The following IMPG2 variants were observed in gnomAD, a reference collection of about 807,000 sequenced individuals.
IMPG2 encodes the protein interphotoreceptor matrix proteoglycan 2.
In IMPG2, 91 loss-of-function variants were observed where a neutral mutation model predicts 129.2. The observed-to-expected ratio is 0.70, with a 90% CI of 0.59 to 0.84. The LOEUF is 0.84. Among genes scored for constraint, IMPG2 ranks in the 40% least tolerant of loss-of-function variants. IMPG2 has a pLI of 0.00. For synonymous variants in IMPG2, 510 were observed against 517.7 expected, an observed-to-expected ratio of 0.99 and a Z score of 0.20; for missense variants, 1,430 against 1,461.7, an observed-to-expected ratio of 0.98 and a Z score of 0.35.
chr3:101,276,717 GAA>G lies in IMPG2; in HGVS notation c.534-6_534-5del. On this transcript the variant is annotated splice_region_variant and splice_polypyrimidine_tract_variant and intron_variant, in intron 4 of 18. Transcript: ENST00000193391. ...AACTGGAGAAGACAGTTCAGAGCTA[GAA>G]AAAAAAATGTTTGCAGTTAATAAAA... The G allele has an allele frequency of 1.3e-6, 2 of 1,590,010 alleles. No individual in the cohort carries two copies. Among genetic ancestry groups the G allele is most frequent in the Non-Finnish European group, 1.7e-6 (2 of 1,161,708 alleles).
chr3:101,312,776 T>C (rs532126102), intron 2 of IMPG2, among the ~76,000 whole-genome samples: 32 of 152,232 alleles, frequency 2.1e-4, no homozygotes, highest in Admixed American at 1.0e-3. Flanking sequence ...TACTGATACA[T>C]GTACAACATG....
At chr3:101,308,018 A>G (rs564168449) in intron 2 of IMPG2, among the ~76,000 whole-genome samples, 28 of 152,316 alleles carry the variant, frequency 1.8e-4, no homozygotes, top group African/African-American at 5.5e-4. Flanking sequence ...TAAAGCTCCA[A>G]AATGATCTCT....
At chr3:101,259,199 A>G (rs767873728) in intron 9 of IMPG2, among the ~76,000 whole-genome samples, 33 of 152,128 alleles carry the variant, frequency 2.2e-4, no homozygotes, top group Non-Finnish European at 2.5e-4. Flanking sequence ...CAGGACATCC[A>G]TCATAGGCAG....
chr3:101,265,631 T>C (rs1029699093), intron 9 of IMPG2, among the ~76,000 whole-genome samples: 2 of 152,118 alleles, frequency 1.3e-5, no homozygotes, highest in Admixed American at 6.6e-5. Context: ...CTTCAGGACA[T>C]TGGTCTTGAA....
At chr3:101,246,328 C>A (rs538859453) in intron 11 of IMPG2, among the ~76,000 whole-genome samples, 2 of 152,180 alleles carry the variant, frequency 1.3e-5, no homozygotes, top group East Asian at 1.9e-4. Context: ...ACCTGAAAAC[C>A]AAGGACAGAT....
chr3:101,265,990 C>A (rs936220605), intron 9 of IMPG2, among the ~76,000 whole-genome samples: 1 of 151,994 alleles, frequency 6.6e-6, no homozygotes. Context: ...CAAATCAAAA[C>A]CAAAATGAAG....
chr3:101,296,972 G>A (rs1333376142), intron 3 of IMPG2, among the ~76,000 whole-genome samples: 6 of 152,050 alleles, frequency 3.9e-5, no homozygotes, highest in East Asian at 3.9e-4. Context: ...GCGTGATCTC[G>A]GCTCACTGCA....
chr3:101,247,340 G>A (rs1706491098), intron 11 of IMPG2, among the ~76,000 whole-genome samples: 1 of 152,044 alleles, frequency 6.6e-6, no homozygotes, highest in Non-Finnish European at 1.5e-5. Flanking sequence ...GCTCACGCCT[G>A]TAATCCCAGC....
intron 7 of IMPG2, among the ~76,000 whole-genome samples, chr3:101,272,691 T>C (rs1198577456): frequency 6.6e-6 from 1 of 152,042 alleles, no homozygotes; most frequent in Non-Finnish European, 1.5e-5. Flanking sequence ...ACTAGGAAAA[T>C]AAATTGTCTG....
chr3:101,317,229 AT>A (rs548524079), intron 2 of IMPG2, among the ~76,000 whole-genome samples: 194 of 152,274 alleles, frequency 1.3e-3, no homozygotes, highest in African/African-American at 4.5e-3. Flanking sequence ...TGCAGGCTGT[AT>A]TTCATTAAAA....
chr3:101,298,830 C>T (rs1707109743), intron 3 of IMPG2, among the ~76,000 whole-genome samples: 1 of 152,180 alleles, frequency 6.6e-6, no homozygotes, highest in African/African-American at 2.4e-5. Context: ...CTGCCTCTAA[C>T]GTTTTTTTCT....
chr3:101,231,063 T>C lies in IMPG2; in HGVS notation c.3316A>G (p.Ile1106Val), dbSNP rs1433681809. 4.3e-6 allele frequency: 7 copies of C among 1,613,626 alleles called. No homozygotes were observed. The highest frequency in any genetic ancestry group is 1.1e-5 in the South Asian group (1 of 91,066). ...VSEPVIIGIT[I>V]ASVVGLLVIF... ...ACAAGAAGTCCAACCACGGAGGCAATAGTGATGCCTATGATCACGGGCTCA... is the reference window on the plus strand; with the variant it reads ...ACAAGAAGTCCAACCACGGAGGCAACAGTGATGCCTATGATCACGGGCTCA... The change falls in exon 16 of 19, where the codon ATT (isoleucine) becomes GTT (valine). Residue 1106 changes from isoleucine (I) to valine (V), a missense_variant. Coordinates refer to ENST00000193391, the MANE Select transcript of IMPG2 (RefSeq NM_016247.4).
intron 4 of IMPG2, among the ~76,000 whole-genome samples, chr3:101,284,566 A>AAC (rs1369440618): frequency 8.1e-5 from 1 of 12,274 alleles, no homozygotes; most frequent in African/African-American, 1.4e-4. Context: ...TATGAACAAC[A>AAC]AAAAAAAACA....
At chr3:101,235,200 G>T (rs1706333161) in intron 14 of IMPG2, among the ~76,000 whole-genome samples, 1 of 152,320 alleles carries the variant, frequency 6.6e-6, no homozygotes, top group African/African-American at 2.4e-5. Flanking sequence ...TGCTGTGCAT[G>T]GAAAAACTGT....
intron 7 of IMPG2, among the ~76,000 whole-genome samples, chr3:101,271,542 A>G (rs1477818701): frequency 6.6e-6 from 1 of 152,186 alleles, no homozygotes; most frequent in African/African-American, 2.4e-5. Context: ...TGTTTTATGG[A>G]TGAGAAAATG....
In IMPG2 at chr3:101,310,430, G is replaced by A. The variant is rs535371814; in HGVS notation, c.335-6118C>T. Among the ~76,000 whole-genome samples, 26 of 151,968 alleles carry A rather than the reference G, an allele frequency of 1.7e-4. No individual in the cohort carries two copies. In the East Asian group the frequency reaches 3.5e-3, roughly 20 times the overall value. ...AGAAATTAGCCGGGCATGGTGGCAC[G>A]TGCCTATAGTTCCAGCTACTCCGGA... On this transcript the variant is annotated intron_variant, in intron 2 of 18. Transcript: ENST00000193391.
intron 6 of IMPG2, 95 bp from the exon 7 acceptor site, chr3:101,273,837 A>T: frequency 1.7e-6 from 2 of 1,202,488 alleles, no homozygotes; most frequent in Non-Finnish European, 2.4e-6. Flanking sequence ...ACTGTGCTAA[A>T]GGCAGCTTCT....
intron 2 of IMPG2, among the ~76,000 whole-genome samples, chr3:101,304,979 T>C (rs1222425137): frequency 6.6e-6 from 1 of 152,132 alleles, no homozygotes; most frequent in African/African-American, 2.4e-5. Flanking sequence ...ATATTTCATA[T>C]CTGAGAACAG....
At chr3:101,309,383 G>T (rs1360657478) in intron 2 of IMPG2, among the ~76,000 whole-genome samples, 1 of 152,116 alleles carries the variant, frequency 6.6e-6, no homozygotes, top group East Asian at 1.9e-4. Flanking sequence ...TCACAGTTCT[G>T]CATGGCTGGG....
Sources: allele counts gnomAD v4.1 joint callset (sites outside exome capture counted in the v4.1 genomes callset), GRCh38; gene constraint gnomAD v4.1.1; transcripts MANE v1.5; gene names NCBI Gene and HGNC (gene_info 2026-07-23, HGNC 2026-07-21).